CYP39A1: variants seen among roughly 807,000 people sequenced by gnomAD.
The protein encoded by CYP39A1 is cytochrome P450 family 39 subfamily A member 1, also known as 24-hydroxycholesterol 7-alpha-hydroxylase.
CYP39A1 carries 49 observed loss-of-function variants against 58.1 expected under a neutral mutation model. The observed-to-expected ratio is 0.84, with a 90% CI of 0.67 to 1.07. The LOEUF (loss-of-function observed/expected upper bound fraction) is 1.07, where lower values mean the gene tolerates loss of function less well. CYP39A1 is among the 50% of genes least tolerant of loss of function. CYP39A1 has a pLI of 0.00. For missense variants in CYP39A1, 531 were observed against 539.4 expected (o/e 0.98, Z 0.16); for synonymous variants, 209 against 187.6 (o/e 1.11, Z -0.93).
At chr6:46,559,601 T>A (rs1445311300) in intron 10 of CYP39A1, among the ~76,000 whole-genome samples, 2 of 152,184 alleles carry the variant, frequency 1.3e-5, no homozygotes, top group Admixed American at 6.5e-5. Flanking sequence ...ATGAGTAGCC[T>A]CACTTTCATC....
At chr6:46,561,149 T>C (rs527804631) in intron 10 of CYP39A1, among the ~76,000 whole-genome samples, 2 of 152,332 alleles carry the variant, frequency 1.3e-5, no homozygotes, top group South Asian at 4.1e-4. Context: ...TAGCATTCAA[T>C]ATTTACTTGG....
chr6:46,552,893 A>C (rs1003548932), intron 11 of CYP39A1, among the ~76,000 whole-genome samples: 1 of 151,916 alleles, frequency 6.6e-6, no homozygotes, highest in Non-Finnish European at 1.5e-5. Context: ...CTAAAAATAC[A>C]AAAAATTAGC....
intron 1 of CYP39A1, among the ~76,000 whole-genome samples, chr6:46,651,025 G>C (rs1762652073): frequency 6.6e-6 from 1 of 152,166 alleles, no homozygotes; most frequent in Non-Finnish European, 1.5e-5. Flanking sequence ...TATTCAGTAT[G>C]GCCCAGGATT....
At chr6:46,574,377 A>G (rs1282257551) in intron 10 of CYP39A1, among the ~76,000 whole-genome samples, 2 of 152,164 alleles carry the variant, frequency 1.3e-5, no homozygotes, top group Admixed American at 1.3e-4. Flanking sequence ...TGTCTTAGGG[A>G]AGTGTTCCAT....
chr6:46,588,817 A>G (rs891402014), intron 8 of CYP39A1, among the ~76,000 whole-genome samples: 3 of 152,186 alleles, frequency 2.0e-5, no homozygotes, highest in African/African-American at 7.2e-5. Flanking sequence ...AAATGAGGAT[A>G]AACAATGTGT....
intron 7 of CYP39A1, among the ~76,000 whole-genome samples, chr6:46,596,784 C>T (rs1442999076): frequency 1.3e-5 from 2 of 152,048 alleles, no homozygotes; most frequent in Non-Finnish European, 2.9e-5. Context: ...ACCTTTGTAC[C>T]ATCTAAAGTA....
intron 10 of CYP39A1, among the ~76,000 whole-genome samples, chr6:46,573,494 G>A (rs2178052): frequency 0.2 from 30,399 of 152,098 alleles, 3,156 homozygotes; most frequent in African/African-American, 0.21. Flanking sequence ...AGATTGCTGT[G>A]GTCCTCCTGC....
chr6:46,570,524 T>C (rs1293545481), intron 10 of CYP39A1, among the ~76,000 whole-genome samples: 1 of 152,160 alleles, frequency 6.6e-6, no homozygotes, highest in Admixed American at 6.6e-5. Context: ...TGGTATGTTG[T>C]TGTGTTCGTT....
At chr6:46,589,133 C>A (rs1195673434) in intron 8 of CYP39A1, among the ~76,000 whole-genome samples, 2 of 152,082 alleles carry the variant, frequency 1.3e-5, no homozygotes, top group African/African-American at 4.8e-5. Context: ...GTTTACTTAT[C>A]CAAAGCATAA....
chr6:46,639,183 C>T (rs941353136), intron 3 of CYP39A1, among the ~76,000 whole-genome samples: 6 of 152,168 alleles, frequency 3.9e-5, no homozygotes, highest in African/African-American at 1.2e-4. Flanking sequence ...GAAGAAAATC[C>T]GTGTAGTTTA....
intron 8 of CYP39A1, among the ~76,000 whole-genome samples, chr6:46,590,516 C>T (rs528228792): frequency 2.6e-5 from 4 of 152,108 alleles, no homozygotes; most frequent in Non-Finnish European, 5.9e-5. Flanking sequence ...AGCTTTCAAC[C>T]AGAGGCTTGG....
rs988738634 is a variant in CYP39A1 at position 46,642,393 on chromosome 6, A to G, written c.178-95T>C. On this transcript the variant is annotated intron_variant, in intron 1 of 11. Coordinates refer to ENST00000275016, the MANE Select transcript of CYP39A1 (RefSeq NM_016593.5). ...GAATCCTAATGCTGAAGTTATAGTC[A>G]AAAGAAAAATTATTATGATTATATT... 32 of 1,213,660 alleles carry G rather than the reference A, an allele frequency of 2.6e-5. No homozygotes were observed. The South Asian group carries it at 5.0e-4, about 19-fold the overall frequency. 75.2% of individuals were successfully genotyped at this position (1,213,660 alleles called of 1,614,324 possible). A position where few individuals can be genotyped will look rare whatever the true frequency, so the allele number is the denominator to read the frequency against.
chr6:46,626,770 C>G (rs755859828), intron 6 of CYP39A1, among the ~76,000 whole-genome samples: 3 of 152,136 alleles, frequency 2.0e-5, no homozygotes, highest in Non-Finnish European at 4.4e-5. Flanking sequence ...CCTGTCTCTA[C>G]TCAGGCCCCC....
chr6:46,652,547 C>A lies in CYP39A1; in HGVS notation c.36G>T (p.Leu12=). ...ELISPTVIII[L]GCLALFLLLQ... is the part of the protein sequence containing the mutation. The stretch of plus-strand genomic sequence containing the variant: ...GGAGTAAGAACAGAGCAAGGCAACC[C>A]AGGATTATAATCACTGTTGGGGAAA... Residue 12 remains leucine, a synonymous_variant, in exon 1 of 12, where the codon CTG becomes CTT. Transcript: ENST00000275016. The A allele has an allele frequency of 6.2e-7, 1 of 1,610,698 alleles. No homozygotes were observed. The highest frequency in any genetic ancestry group is 8.5e-7 in the Non-Finnish European group (1 of 1,178,742).
intron 7 of CYP39A1, among the ~76,000 whole-genome samples, chr6:46,622,518 C>G (rs1387507032): frequency 6.7e-6 from 1 of 149,472 alleles, no homozygotes; most frequent in Non-Finnish European, 1.5e-5. Context: ...GAGGCTGTGG[C>G]AGGAGGATCA....
At chr6:46,551,721 T>A (rs1259655561) in intron 11 of CYP39A1, among the ~76,000 whole-genome samples, 1 of 152,186 alleles carries the variant, frequency 6.6e-6, no homozygotes, top group Non-Finnish European at 1.5e-5. Context: ...GTCCACTGAT[T>A]TCCCCTGCAC....
At chr6:46,578,029 T>A (rs1771932025) in intron 10 of CYP39A1, among the ~76,000 whole-genome samples, 1 of 152,032 alleles carries the variant, frequency 6.6e-6, no homozygotes, top group Admixed American at 6.6e-5. Context: ...TGCTGGGTCA[T>A]AAAAGCAATA....
intron 8 of CYP39A1, among the ~76,000 whole-genome samples, chr6:46,590,095 C>G (rs898963521): frequency 6.6e-6 from 1 of 152,164 alleles, no homozygotes; most frequent in African/African-American, 2.4e-5. Context: ...ACCCTCTGAG[C>G]AAGCAGACAT....
chr6:46,586,370 G>C, intron 10 of CYP39A1: 1 of 984,354 alleles, frequency 1.0e-6, no homozygotes, highest in Non-Finnish European at 1.2e-6. Context: ...CCCCAATGAA[G>C]AAATGTGACA....
Sources: gnomAD v4.1 joint callset for allele counts (sites outside exome capture counted in the v4.1 genomes callset) on GRCh38, gnomAD v4.1.1 for gene constraint, MANE v1.5 for transcripts, NCBI Gene and HGNC (gene_info 2026-07-23, HGNC 2026-07-21) for gene names.